Variants in AGMO observed in about 807,000 individuals in gnomAD.
AGMO encodes the protein alkylglycerol monooxygenase.
A neutral mutation model predicts 60.2 loss-of-function variants in AGMO; 75 were observed. The observed-to-expected ratio is 1.25, with a 90% CI of 1.03 to 1.51. The LOEUF (loss-of-function observed/expected upper bound fraction) is 1.51, where lower values mean the gene tolerates loss of function less well. Ranked by LOEUF, AGMO falls within the 40% of genes most tolerant of loss-of-function variation. AGMO has a pLI of 0.00. For missense variants in AGMO, 763 were observed against 525.5 expected (o/e 1.45, Z -4.42); for synonymous variants, 261 against 177.1 (o/e 1.47, Z -3.76).
intron 12 of AGMO, among the ~76,000 whole-genome samples, chr7:15,210,423 T>A (rs1286246318): frequency 6.6e-6 from 1 of 152,188 alleles, no homozygotes; most frequent in Admixed American, 6.5e-5. Context: ...ATGGACAGAA[T>A]TTCCTGGCTT....
chr7:15,436,975 C>A (rs934053022), intron 3 of AGMO, among the ~76,000 whole-genome samples: 1 of 152,044 alleles, frequency 6.6e-6, no homozygotes, highest in African/African-American at 2.4e-5. Context: ...ACAATCATCC[C>A]TTTGAACTTG....
the AGMO span, among the ~76,000 whole-genome samples, chr7:15,153,635 G>A: frequency 6.6e-6 from 1 of 152,058 alleles, no homozygotes; most frequent in Non-Finnish European, 1.5e-5. Flanking sequence ...TTGCTTTGCT[G>A]AAGATCAGTT....
intron 12 of AGMO, among the ~76,000 whole-genome samples, chr7:15,339,806 G>A (rs1251380915): frequency 1.3e-5 from 2 of 152,148 alleles, no homozygotes; most frequent in African/African-American, 4.8e-5. Flanking sequence ...GTTAGTTAAT[G>A]AAAGCATGAT....
chr7:15,530,615 A>G (rs931212471), intron 3 of AGMO, among the ~76,000 whole-genome samples: 10 of 127,698 alleles, frequency 7.8e-5, no homozygotes, highest in African/African-American at 3.0e-4. Context: ...ACGTATTTCT[A>G]TATATATATT....
chr7:15,151,605 T>A, the AGMO span, among the ~76,000 whole-genome samples: 1 of 152,156 alleles, frequency 6.6e-6, no homozygotes, highest in African/African-American at 2.4e-5. Flanking sequence ...TTCCATGTAA[T>A]TGTATGGTTT....
chr7:15,264,917 A>C (rs942170877), intron 12 of AGMO, among the ~76,000 whole-genome samples: 3 of 152,078 alleles, frequency 2.0e-5, no homozygotes, highest in Non-Finnish European at 4.4e-5. Flanking sequence ...TCAACCCAGC[A>C]ATCACACTAC....
intron 12 of AGMO, among the ~76,000 whole-genome samples, chr7:15,354,226 T>C (rs2128555150): frequency 6.7e-6 from 1 of 149,156 alleles, no homozygotes; most frequent in East Asian, 2.0e-4. Flanking sequence ...CCATCAGTTA[T>C]TTTCTATGTA....
chr7:15,189,690 G>T, the AGMO span, among the ~76,000 whole-genome samples: 2 of 151,928 alleles, frequency 1.3e-5, no homozygotes, highest in African/African-American at 4.8e-5. Flanking sequence ...TTGAATTTCA[G>T]TTATGAAAAT....
intron 3 of AGMO, among the ~76,000 whole-genome samples, chr7:15,512,764 G>A (rs1295317950): frequency 2.0e-5 from 3 of 152,058 alleles, no homozygotes; most frequent in Non-Finnish European, 4.4e-5. Context: ...TTGGAGTAAT[G>A]TTAGCATTGG....
intron 4 of AGMO, among the ~76,000 whole-genome samples, 186 bp from the exon 5 acceptor site, chr7:15,418,839 G>T (rs998811315): frequency 2.0e-5 from 3 of 151,720 alleles, no homozygotes; most frequent in Non-Finnish European, 4.4e-5. Context: ...CAGACATGTT[G>T]GAGCTAAGGC....
intron 3 of AGMO, among the ~76,000 whole-genome samples, chr7:15,485,097 G>C (rs1782875497): frequency 7.2e-6 from 1 of 139,102 alleles, no homozygotes. Flanking sequence ...AGGAATTCGA[G>C]ACCAGCCTGG....
At chr7:15,416,521 A>G (rs1780777545) in intron 5 of AGMO, among the ~76,000 whole-genome samples, 1 of 152,168 alleles carries the variant, frequency 6.6e-6, no homozygotes, top group Non-Finnish European at 1.5e-5. Context: ...TTTCAAAAAA[A>G]TCAGTATCTT....
the AGMO span, among the ~76,000 whole-genome samples, chr7:15,190,270 T>G: frequency 2.7e-5 from 4 of 148,628 alleles, no homozygotes; most frequent in Admixed American, 1.3e-4. Context: ...AGCTGTTTGC[T>G]TTTTAATATC....
At chr7:15,271,259 A>G (rs908636857) in intron 12 of AGMO, among the ~76,000 whole-genome samples, 1 of 152,202 alleles carries the variant, frequency 6.6e-6, no homozygotes, top group Non-Finnish European at 1.5e-5. Flanking sequence ...GGCTATGGGC[A>G]GTATGGTCAT....
chr7:15,427,925 T>C (rs190916031), intron 4 of AGMO, among the ~76,000 whole-genome samples: 12 of 149,148 alleles, frequency 8.0e-5, no homozygotes, highest in African/African-American at 1.7e-4. Flanking sequence ...TGAATTCTTA[T>C]GTGTAACTTC....
chr7:15,177,250 A>G, the AGMO span, among the ~76,000 whole-genome samples: 11 of 152,216 alleles, frequency 7.2e-5, no homozygotes, highest in African/African-American at 2.2e-4. Flanking sequence ...TAAAAATGAA[A>G]AAGTATATTA....
the AGMO span, among the ~76,000 whole-genome samples, chr7:15,187,323 T>C: frequency 1.1e-4 from 16 of 152,294 alleles, no homozygotes; most frequent in East Asian, 2.9e-3. Flanking sequence ...TGTTTGCACA[T>C]TGCATATGGG....
At chr7:15,217,690 G>A (rs1000196730) in intron 12 of AGMO, among the ~76,000 whole-genome samples, 5 of 151,720 alleles carry the variant, frequency 3.3e-5, no homozygotes, top group Non-Finnish European at 5.9e-5. Flanking sequence ...AATAATGCAA[G>A]ATGAAAATAA....
chr7:15,380,116 C>T (rs1474077876), intron 10 of AGMO, among the ~76,000 whole-genome samples: 1 of 152,008 alleles, frequency 6.6e-6, no homozygotes, highest in Non-Finnish European at 1.5e-5. Flanking sequence ...GTATGCCCTC[C>T]GTCTCTCACC....
Sources: allele counts gnomAD v4.1 joint callset (sites outside exome capture counted in the v4.1 genomes callset), GRCh38; gene constraint gnomAD v4.1.1; transcripts MANE v1.5; gene names NCBI Gene and HGNC (gene_info 2026-07-23, HGNC 2026-07-21).